The following BCAS3 variants were observed in gnomAD, a reference collection of about 807,000 sequenced individuals.
BCAS3 encodes BCAS3 microtubule associated cell migration factor.
BCAS3 carries 53 observed loss-of-function variants against 116.1 expected under a neutral mutation model. The observed-to-expected ratio is 0.46, with a 90% confidence interval of 0.37 to 0.57. The LOEUF (loss-of-function observed/expected upper bound fraction) is 0.57, where lower values mean the gene tolerates loss of function less well. Among genes scored for constraint, BCAS3 ranks in the 20% least tolerant of loss-of-function variants. The pLI, the probability that BCAS3 is intolerant of heterozygous loss-of-function variation, is 0.00. For missense variants in BCAS3, 917 were observed against 1,165.4 expected (o/e 0.79, Z 3.10); for synonymous variants, 391 against 408.2 (o/e 0.96, Z 0.51).
chr17:61,373,304 G>A (rs1373949239), intron 23 of BCAS3, among the ~76,000 whole-genome samples: 1 of 152,142 alleles, frequency 6.6e-6, no homozygotes. Flanking sequence ...TAGCCAGGCT[G>A]GTCTCGAACT....
At chr17:61,039,597 AT>A (rs1271249564) in intron 18 of BCAS3, among the ~76,000 whole-genome samples, 1 of 151,784 alleles carries the variant, frequency 6.6e-6, no homozygotes, top group Non-Finnish European at 1.5e-5. Flanking sequence ...AATTTTTTGT[AT>A]TTTTACTAGA....
intron 3 of BCAS3, chr17:60,689,053 G>GTTGTGT (rs1019230729): frequency 4.6e-5 from 7 of 152,192 alleles, no homozygotes; most frequent in African/African-American, 1.4e-4. Flanking sequence ...AAAGGTAGTA[G>GTTGTGT]TTGTGTTTGT....
In BCAS3 at chr17:60,915,432, A is replaced by G. The variant is rs113628199; in HGVS notation, c.993+4730A>G. On this transcript the variant is annotated intron_variant, in intron 12 of 23. Coordinates refer to ENST00000407086, the MANE Select transcript of BCAS3 (RefSeq NM_017679.5). ...CATTCATGTAACCCCCACCACAGTT[A>G]AGATACAGGACTGTTCTAAACTGTT... Among the ~76,000 whole-genome samples, 574 of 152,160 alleles carry G rather than the reference A, an allele frequency of 3.8e-3. 3 individuals carry two copies. Among genetic ancestry groups the G allele is most frequent in the African/African-American group, 0.013 (544 of 41,442 alleles).
At chr17:60,949,245 AATTATT>A (rs944646927) in intron 14 of BCAS3, among the ~76,000 whole-genome samples, 1 of 151,614 alleles carries the variant, frequency 6.6e-6, no homozygotes, top group African/African-American at 2.4e-5. Context: ...TTTCTTATAC[AATTATT>A]ATTATTAGTA....
chr17:60,791,751 G>GT (rs1463845522), intron 6 of BCAS3, among the ~76,000 whole-genome samples: 1 of 152,128 alleles, frequency 6.6e-6, no homozygotes, highest in Non-Finnish European at 1.5e-5. Context: ...TCCTAAACCC[G>GT]TAAGAGTTAA....
intron 22 of BCAS3, among the ~76,000 whole-genome samples, chr17:61,158,457 G>T (rs139728870): frequency 4.4e-4 from 67 of 152,260 alleles, no homozygotes; most frequent in African/African-American, 1.6e-3. Flanking sequence ...GACCAACTTT[G>T]CTGATACCTT....
rs1232189584 is a variant in BCAS3 at position 60,994,070 on chromosome 17, C to T, written c.1486+3835C>T. Among the ~76,000 whole-genome samples the T allele has an allele frequency of 2.0e-5, 3 of 152,060 alleles. No individual in the cohort carries two copies. The East Asian group carries it at 5.8e-4, about 29-fold the overall frequency. On this transcript the variant is annotated intron_variant, in intron 15 of 23. Coordinates refer to ENST00000407086, the MANE Select transcript of BCAS3 (RefSeq NM_017679.5). The surrounding 1 kb of genome is among the most constrained non-coding windows in gnomAD (Gnocchi z 4.4). ...ATCCTTTAACCAAAAGTAAGCATTT[C>T]CTTTTTGTTATGAACATGGAAAATA...
intron 12 of BCAS3, among the ~76,000 whole-genome samples, chr17:60,914,220 T>A (rs923009585): frequency 6.6e-6 from 1 of 152,208 alleles, no homozygotes; most frequent in African/African-American, 2.4e-5. Context: ...ATTACATGTC[T>A]TAGGAAAATT....
chr17:60,996,932 A>G (rs1243621954), intron 15 of BCAS3, among the ~76,000 whole-genome samples: 1 of 152,218 alleles, frequency 6.6e-6, no homozygotes, highest in Non-Finnish European at 1.5e-5. Context: ...TAAGACTATT[A>G]AAATTAGTAA....
At chr17:61,342,788 G>A (rs116431567) in intron 22 of BCAS3, among the ~76,000 whole-genome samples, 2,134 of 144,910 alleles carry the variant, frequency 0.015, 47 homozygotes, top group African/African-American at 0.051. Flanking sequence ...GTCTCCCTCT[G>A]TAGCCCAGGC....
At chr17:60,831,847 T>C (rs2050967796) in intron 7 of BCAS3, among the ~76,000 whole-genome samples, 1 of 145,302 alleles carries the variant, frequency 6.9e-6, no homozygotes, top group African/African-American at 2.7e-5. Context: ...AATACAATAA[T>C]TTGTATATTG....
intron 22 of BCAS3, among the ~76,000 whole-genome samples, chr17:61,262,165 T>C (rs1333342509): frequency 6.6e-6 from 1 of 152,112 alleles, no homozygotes; most frequent in Non-Finnish European, 1.5e-5. Context: ...TTCAGCAACA[T>C]TGCTGGATAC....
chr17:60,878,573 G>A (rs1273022845), intron 9 of BCAS3, among the ~76,000 whole-genome samples: 2 of 152,148 alleles, frequency 1.3e-5, no homozygotes, highest in Non-Finnish European at 2.9e-5. Context: ...ATATGTTTGT[G>A]ATTTCTTTCT....
At chr17:60,874,444 T>C (rs1230030106) in intron 8 of BCAS3, among the ~76,000 whole-genome samples, 1 of 152,202 alleles carries the variant, frequency 6.6e-6, no homozygotes, top group Non-Finnish European at 1.5e-5. Flanking sequence ...CTTCTAGTCA[T>C]CTCTATCTTA....
intron 6 of BCAS3, among the ~76,000 whole-genome samples, chr17:60,769,427 T>C (rs1455107699): frequency 6.6e-6 from 1 of 152,194 alleles, no homozygotes; most frequent in East Asian, 1.9e-4. Flanking sequence ...GGGCTTTGTC[T>C]TTGAAGCACA....
chr17:61,316,337 G>C lies in BCAS3; in HGVS notation c.2426-51990G>C, dbSNP rs540880740. The stretch of plus-strand genomic sequence containing the variant: ...AATAATATTAATAGTAATATAGCAG[G>C]TACTTAGTAAATGTGTGCTGAATGT... On this transcript the variant is annotated intron_variant, in intron 22 of 23. Coordinates refer to ENST00000407086, the MANE Select transcript of BCAS3 (RefSeq NM_017679.5). The surrounding 1 kb of genome is among the most constrained non-coding windows in gnomAD (Gnocchi z 5.8). Among the ~76,000 whole-genome samples the C allele has an allele frequency of 1.3e-5, 2 of 152,094 alleles. No homozygotes were observed. Among genetic ancestry groups the C allele is most frequent in the East Asian group, 1.9e-4 (1 of 5,192 alleles).
chr17:60,690,746 C>T (rs1229042167), intron 4 of BCAS3, among the ~76,000 whole-genome samples: 2 of 151,756 alleles, frequency 1.3e-5, no homozygotes, highest in East Asian at 3.9e-4. Flanking sequence ...CATGGTGAAA[C>T]CTCGTCTCTA....
rs575923396 is a variant in BCAS3 at position 61,344,040 on chromosome 17, G to C, written c.2426-24287G>C. Among the ~76,000 whole-genome samples, 1 of 152,280 alleles carries C rather than the reference G, an allele frequency of 6.6e-6. No homozygotes were observed. The highest frequency in any genetic ancestry group is 2.1e-4 in the South Asian group (1 of 4,826). On this transcript the variant is annotated intron_variant, in intron 22 of 23. Transcript: ENST00000407086. This position sits in a 1 kb window ranked among gnomAD's most constrained non-coding sequence, Gnocchi z 4.1. ...GAAGGTCCTGAGTGTGCTGAGACAG[G>C]CAAGAGTCAGTAATAAGATCAGAGA...
At chr17:61,027,375 T>C (rs768142102) in intron 16 of BCAS3, 11 of 454,932 alleles carry the variant, frequency 2.4e-5, no homozygotes, top group Non-Finnish European at 4.8e-5. Flanking sequence ...AAAAGTTCTG[T>C]TTTTGAATAG....
Sources: allele counts gnomAD v4.1 joint callset (sites outside exome capture counted in the v4.1 genomes callset), GRCh38; gene constraint gnomAD v4.1.1; non-coding constraint Gnocchi (gnomAD v3.1); transcripts MANE v1.5; gene names NCBI Gene and HGNC (gene_info 2026-07-23, HGNC 2026-07-21).